The following DACH1 variants were observed in gnomAD, a reference collection of about 807,000 sequenced individuals.
DACH1 encodes dachshund family transcription factor 1.
A neutral mutation model predicts 54.2 loss-of-function variants in DACH1; 12 were observed. The observed-to-expected ratio is 0.22, with a 90% CI of 0.14 to 0.36. The LOEUF (loss-of-function observed/expected upper bound fraction) is 0.36, where lower values mean the gene tolerates loss of function less well. Ranked by LOEUF, DACH1 falls within the 10% of genes least tolerant of loss-of-function variation. The probability of loss-of-function intolerance (pLI) is 1.00; values close to 1 mark genes in which losing one functional copy is unlikely to be tolerated. For synonymous variants in DACH1, 386 were observed against 366.2 expected, an observed-to-expected ratio of 1.05 and a Z score of -0.62; for missense variants, 805 against 929.8, an observed-to-expected ratio of 0.87 and a Z score of 1.75.
rs141675073 is a variant in DACH1 at position 71,649,082 on chromosome 13, C to T, written c.965-18365G>A. On this transcript the variant is annotated intron_variant, in intron 2 of 10. Transcript: ENST00000613252. ...TCCTATCAACAACAGACCACATATACAACAGTGGTCCCATAAGATTGTAAT... is the reference window on the plus strand; with the variant it reads ...TCCTATCAACAACAGACCACATATATAACAGTGGTCCCATAAGATTGTAAT... 2.0e-3 allele frequency among the ~76,000 whole-genome samples: 302 copies of T among 152,256 alleles called. 2 individuals are homozygous for T. The highest frequency in any genetic ancestry group is 0.015 in the South Asian group (73 of 4,830).
At chr13:71,577,519 T>C (rs1885605936) in intron 3 of DACH1, among the ~76,000 whole-genome samples, 1 of 152,204 alleles carries the variant, frequency 6.6e-6, no homozygotes, top group Non-Finnish European at 1.5e-5. Context: ...TCTGGAGTGA[T>C]AGTTAAGACA....
At chr13:71,559,012 A>C (rs1057133145) in intron 5 of DACH1, among the ~76,000 whole-genome samples, 6 of 152,080 alleles carry the variant, frequency 3.9e-5, no homozygotes, top group Non-Finnish European at 8.8e-5. Flanking sequence ...ATAATAGCTA[A>C]ATTCTGGGAA....
intron 2 of DACH1, among the ~76,000 whole-genome samples, chr13:71,657,868 G>A (rs1025373948): frequency 2.0e-5 from 3 of 151,822 alleles, no homozygotes; most frequent in Non-Finnish European, 4.4e-5. Context: ...TTTGCCTCCC[G>A]GAGTGCTGGG....
chr13:71,696,863 A>G (rs1186164884), intron 1 of DACH1, among the ~76,000 whole-genome samples: 1 of 152,142 alleles, frequency 6.6e-6, no homozygotes, highest in East Asian at 1.9e-4. Flanking sequence ...CACTTTTAAG[A>G]CTGCACTGCT....
At chr13:71,473,861 T>G (rs570296318) in intron 10 of DACH1, among the ~76,000 whole-genome samples, 2 of 152,306 alleles carry the variant, frequency 1.3e-5, no homozygotes, top group Admixed American at 1.3e-4. Context: ...GTCTTGTTGG[T>G]GCTATTGTCC....
intron 6 of DACH1, among the ~76,000 whole-genome samples, chr13:71,542,867 C>T (rs1278401141): frequency 6.6e-6 from 1 of 152,048 alleles, no homozygotes; most frequent in Non-Finnish European, 1.5e-5. Context: ...AAGTAATATT[C>T]AATTTAAACA....
At chr13:71,693,721 A>G (rs1881657897) in intron 1 of DACH1, among the ~76,000 whole-genome samples, 2 of 152,114 alleles carry the variant, frequency 1.3e-5, no homozygotes, top group African/African-American at 4.8e-5. Context: ...CCACATTCAT[A>G]TAACTTTTGT....
At chr13:71,745,792 C>T (rs1286688483) in intron 1 of DACH1, among the ~76,000 whole-genome samples, 1 of 152,228 alleles carries the variant, frequency 6.6e-6, no homozygotes, top group Admixed American at 6.5e-5. Flanking sequence ...CCCAATAAAA[C>T]TGCAGGGCTT....
chr13:71,448,558 A>C (rs1273181838), intron 10 of DACH1, among the ~76,000 whole-genome samples: 1 of 152,164 alleles, frequency 6.6e-6, no homozygotes, highest in African/African-American at 2.4e-5. Context: ...TTATAATTTT[A>C]TATTTAGAGT....
chr13:71,776,979 G>C (rs1439734164), intron 1 of DACH1, among the ~76,000 whole-genome samples: 1 of 151,988 alleles, frequency 6.6e-6, no homozygotes, highest in Admixed American at 6.6e-5. Flanking sequence ...CATCTGATAA[G>C]CATCCTCAAA....
chr13:71,738,333 G>A (rs1246146180), intron 1 of DACH1, among the ~76,000 whole-genome samples: 2 of 151,990 alleles, frequency 1.3e-5, no homozygotes, highest in Non-Finnish European at 2.9e-5. Flanking sequence ...TCCAATACTC[G>A]ATAAACAATT....
intron 2 of DACH1, among the ~76,000 whole-genome samples, chr13:71,666,969 T>C (rs1594072016): frequency 1.3e-5 from 2 of 151,876 alleles, no homozygotes; most frequent in African/African-American, 4.8e-5. Context: ...AGAGCAAAAC[T>C]CTATCTCAAA....
At chr13:71,842,519 A>T (rs1217493526) in intron 1 of DACH1, among the ~76,000 whole-genome samples, 2 of 152,200 alleles carry the variant, frequency 1.3e-5, no homozygotes, top group Non-Finnish European at 2.9e-5. Context: ...TTGAGACTGC[A>T]ATGAACTGTG....
intron 6 of DACH1, among the ~76,000 whole-genome samples, chr13:71,490,421 A>G (rs1302702916): frequency 6.6e-6 from 1 of 152,176 alleles, no homozygotes; most frequent in Admixed American, 6.6e-5. Flanking sequence ...AACCAAAAGG[A>G]AAGAAAAGCT....
intron 6 of DACH1, among the ~76,000 whole-genome samples, chr13:71,528,680 C>G (rs991231748): frequency 6.6e-6 from 1 of 151,756 alleles, no homozygotes; most frequent in African/African-American, 2.4e-5. Context: ...TCCACCGGGC[C>G]GGAAAAACAG....
chr13:71,534,680 G>C (rs912068149), intron 6 of DACH1, among the ~76,000 whole-genome samples: 4 of 151,588 alleles, frequency 2.6e-5, no homozygotes, highest in African/African-American at 9.7e-5. Context: ...CTTACATTAA[G>C]AACTCTTCTG....
At chr13:71,694,660 GTT>G (rs1488749098) in intron 1 of DACH1, among the ~76,000 whole-genome samples, 1 of 152,124 alleles carries the variant, frequency 6.6e-6, no homozygotes, top group Non-Finnish European at 1.5e-5. Flanking sequence ...AATAGACACT[GTT>G]TTACCATGGA....
intron 1 of DACH1, among the ~76,000 whole-genome samples, chr13:71,828,200 A>C (rs1888451385): frequency 6.6e-6 from 1 of 151,964 alleles, no homozygotes. Flanking sequence ...AGGGACATTT[A>C]TTTTTTGCAC....
intron 1 of DACH1, among the ~76,000 whole-genome samples, chr13:71,774,847 A>C (rs549013574): frequency 6.6e-6 from 1 of 152,238 alleles, no homozygotes; most frequent in South Asian, 2.1e-4. Context: ...ATTTTCTATG[A>C]AACTAAATTG....
Sources: allele counts gnomAD v4.1 joint callset (sites outside exome capture counted in the v4.1 genomes callset), GRCh38; gene constraint gnomAD v4.1.1; transcripts MANE v1.5; gene names NCBI Gene and HGNC (gene_info 2026-07-23, HGNC 2026-07-21).